Variants in RFTN1 observed in about 807,000 individuals in gnomAD.
RFTN1 encodes raftlin, lipid raft linker 1, also known as raftlin.
RFTN1 carries 26 observed loss-of-function variants against 46.5 expected under a neutral mutation model. The observed-to-expected ratio is 0.56, with a 90% CI of 0.41 to 0.78. The LOEUF is 0.78. RFTN1 is among the 30% of genes least tolerant of loss of function. The pLI is 0.00. For missense variants in RFTN1, 693 were observed against 718.7 expected, an observed-to-expected ratio of 0.96 and a Z score of 0.41; for synonymous variants, 261 against 284.2, an observed-to-expected ratio of 0.92 and a Z score of 0.82.
rs927912921 is a variant in RFTN1, at chr3:16,489,279, A to C, written c.145+4446T>G. 6.6e-6 allele frequency among the ~76,000 whole-genome samples: 1 copy of C among 152,044 alleles called. No individual in the cohort carries two copies. The highest frequency in any genetic ancestry group is 1.5e-5 in the Non-Finnish European group (1 of 67,994). ...CTAAAAATAAAAAAATTAGCTGGGC[A>C]TGGTGGCGGGCACCTGTAATCCCAA... On this transcript the variant is annotated intron_variant, in intron 2 of 9. Transcript: ENST00000334133. This position sits in a 1 kb window ranked among gnomAD's most constrained non-coding sequence, Gnocchi z 4.0.
At chr3:16,355,495 A>T (rs566544262) in intron 7 of RFTN1, among the ~76,000 whole-genome samples, 2 of 152,220 alleles carry the variant, frequency 1.3e-5, no homozygotes, top group Middle Eastern at 3.2e-3. Context: ...AGGCCAAAAA[A>T]GGGGAGGCAG....
At chr3:16,476,402 A>G (rs982484586) in intron 2 of RFTN1, among the ~76,000 whole-genome samples, 1 of 152,262 alleles carries the variant, frequency 6.6e-6, no homozygotes, top group Non-Finnish European at 1.5e-5. Flanking sequence ...CATGGAGCTT[A>G]CCATTATGGT....
At chr3:16,454,163 G>T (rs1469569711) in intron 2 of RFTN1, among the ~76,000 whole-genome samples, 12 of 152,196 alleles carry the variant, frequency 7.9e-5, no homozygotes, top group Non-Finnish European at 4.4e-5. Context: ...CATTTCCATA[G>T]ATTTTAATAG....
In RFTN1 at chr3:16,436,358, A is replaced by T. The variant is rs199538887; in HGVS notation, c.146-2321T>A. Among the ~76,000 whole-genome samples, 432 of 125,200 alleles carry T rather than the reference A, an allele frequency of 3.5e-3. 1 individual carries two copies. The highest frequency in any genetic ancestry group is 5.9e-3 in the African/African-American group (219 of 37,096). 82.1% of individuals were successfully genotyped at this position (125,200 alleles called of 152,430 possible). The stretch of plus-strand genomic sequence containing the variant: ...AGTGGGTTTTGCCATGAAAAAAAAA[A>T]TTTTTTTTTTTTTTTTAAGACAAAG... On this transcript the variant is annotated intron_variant, in intron 2 of 9. Coordinates refer to ENST00000334133, the MANE Select transcript of RFTN1 (RefSeq NM_015150.2).
In RFTN1 at chr3:16,507,348, A is replaced by G. The variant is rs879567103; in HGVS notation, c.-9+6094T>C. On this transcript the variant is annotated intron_variant, in intron 1 of 9. Coordinates refer to ENST00000334133, the MANE Select transcript of RFTN1 (RefSeq NM_015150.2). This position sits in a 1 kb window ranked among gnomAD's most constrained non-coding sequence, Gnocchi z 7.1. ...ATAAGACACCAGAAAATCCCAAAAG[A>G]CCTCTCTAAATTAAAGAAGTGTTTA... Among the ~76,000 whole-genome samples the G allele has an allele frequency of 6.6e-6, 1 of 152,074 alleles. No individual in the cohort carries two copies. The highest frequency in any genetic ancestry group is 1.5e-5 in the Non-Finnish European group (1 of 68,004).
At chr3:16,339,510 G>C (rs891742042) in intron 7 of RFTN1, 8 of 152,216 alleles carry the variant, frequency 5.3e-5, no homozygotes, top group Non-Finnish European at 1.2e-4. Context: ...TGCTCTACCA[G>C]AGACAAATCC....
rs1175453963 is a variant in RFTN1 at position 16,385,290 on chromosome 3, G to A, written c.442-7188C>T. 1.3e-5 allele frequency among the ~76,000 whole-genome samples: 2 copies of A among 152,190 alleles called. No homozygotes were observed. Among genetic ancestry groups the A allele is most frequent in the Non-Finnish European group, 2.9e-5 (2 of 68,036 alleles). On this transcript the variant is annotated intron_variant, in intron 4 of 9. Transcript: ENST00000334133. The surrounding 1 kb of genome is among the most constrained non-coding windows in gnomAD (Gnocchi z 5.0). Reference sequence around the variant, plus strand: ...GGAGGCTCAAAAATAACACGGGTTTGAGCTCACATCTGAAGCCGCCTTTAG... The same window carrying A: ...GGAGGCTCAAAAATAACACGGGTTTAAGCTCACATCTGAAGCCGCCTTTAG...
At chr3:16,367,536 G>A (rs796995775) in intron 6 of RFTN1, among the ~76,000 whole-genome samples, 1 of 151,234 alleles carries the variant, frequency 6.6e-6, no homozygotes. Flanking sequence ...TCTAAGATAC[G>A]GGCTGCATAC....
At position 16,384,340 on chromosome 3, in the gene RFTN1, T is replaced by C. The variant is rs775869638; in HGVS notation, c.442-6238A>G. Among the ~76,000 whole-genome samples, 19 of 152,234 alleles carry C rather than the reference T, an allele frequency of 1.2e-4. No homozygotes were observed. The highest frequency in any genetic ancestry group is 2.6e-4 in the Non-Finnish European group (18 of 68,042). On this transcript the variant is annotated intron_variant, in intron 4 of 9. Coordinates refer to ENST00000334133, the MANE Select transcript of RFTN1 (RefSeq NM_015150.2). This position sits in a 1 kb window ranked among gnomAD's most constrained non-coding sequence, Gnocchi z 4.7. ...GGAAAATAAGATAGCACAGGGCAAGTTGATGGAGGTCTCTAAATCTAAACC... is the reference window on the plus strand; with the variant it reads ...GGAAAATAAGATAGCACAGGGCAAGCTGATGGAGGTCTCTAAATCTAAACC...
chr3:16,359,471 AG>A (rs759340014), intron 6 of RFTN1, among the ~76,000 whole-genome samples: 2 of 152,176 alleles, frequency 1.3e-5, no homozygotes, highest in Non-Finnish European at 2.9e-5. Context: ...ATGGGGCCTT[AG>A]TCTAATAGGA....
rs73818292 is a variant in RFTN1, at chr3:16,413,589, T to C, written c.333-4106A>G. ...TCCACTTTTGGAAAGGACAGAGAGATCTGGTTTTAAACAGTAAGAAAAAGA... is the reference window on the plus strand; with the variant it reads ...TCCACTTTTGGAAAGGACAGAGAGACCTGGTTTTAAACAGTAAGAAAAAGA... On this transcript the variant is annotated intron_variant, in intron 3 of 9. Transcript: ENST00000334133. The surrounding 1 kb of genome is among the most constrained non-coding windows in gnomAD (Gnocchi z 4.7). 6.4e-3 allele frequency among the ~76,000 whole-genome samples: 970 copies of C among 152,258 alleles called. 14 individuals are homozygous for C. Among genetic ancestry groups the C allele is most frequent in the African/African-American group, 0.022 (912 of 41,534 alleles).
At chr3:16,318,007 C>A (rs544075121) in intron 9 of RFTN1, among the ~76,000 whole-genome samples, 21 of 152,332 alleles carry the variant, frequency 1.4e-4, no homozygotes, top group Non-Finnish European at 2.5e-4. Flanking sequence ...CTAAAAACTT[C>A]CAATCTCAGA....
At position 16,321,834 on chromosome 3, in the gene RFTN1, A is replaced by G. The variant is rs935491005; in HGVS notation, c.1332+1542T>C. Among the ~76,000 whole-genome samples, 1 of 152,190 alleles carries G rather than the reference A, an allele frequency of 6.6e-6. No homozygotes were observed. Among genetic ancestry groups the G allele is most frequent in the African/African-American group, 2.4e-5 (1 of 41,452 alleles). ...AGAGTCAGTTCAACCTTATTACAGC[A>G]GCTTTTACAAATCTATCTCTAAAGT... is the stretch of plus-strand genomic sequence containing the variant. On this transcript the variant is annotated intron_variant, in intron 9 of 9. Coordinates refer to ENST00000334133, the MANE Select transcript of RFTN1 (RefSeq NM_015150.2). This position sits in a 1 kb window ranked among gnomAD's most constrained non-coding sequence, Gnocchi z 4.8.
At position 16,475,904 on chromosome 3, in the gene RFTN1, G is replaced by A. The variant is rs1179961123; in HGVS notation, c.145+17821C>T. Reference sequence around the variant, plus strand: ...CCAGGAAAATAATTTATGCCACCCAGAGACAGACACCATGCCAACTGGGAC... The same window carrying A: ...CCAGGAAAATAATTTATGCCACCCAAAGACAGACACCATGCCAACTGGGAC... On this transcript the variant is annotated intron_variant, in intron 2 of 9. Coordinates refer to ENST00000334133, the MANE Select transcript of RFTN1 (RefSeq NM_015150.2). The surrounding 1 kb of genome is among the most constrained non-coding windows in gnomAD (Gnocchi z 4.2). 2.0e-5 allele frequency among the ~76,000 whole-genome samples: 3 copies of A among 152,196 alleles called. No individual in the cohort carries two copies. Among genetic ancestry groups the A allele is most frequent in the African/African-American group, 7.2e-5 (3 of 41,438 alleles).
At position 16,342,590 on chromosome 3, in the gene RFTN1, G is replaced by C. The variant is rs2071388532; in HGVS notation, c.1146+15342C>G. Among the ~76,000 whole-genome samples, 1 of 152,004 alleles carries C rather than the reference G, an allele frequency of 6.6e-6. No homozygotes were observed. The highest frequency in any genetic ancestry group is 1.5e-5 in the Non-Finnish European group (1 of 67,994). On this transcript the variant is annotated intron_variant, in intron 7 of 9. Coordinates refer to ENST00000334133, the MANE Select transcript of RFTN1 (RefSeq NM_015150.2). The surrounding 1 kb of genome is among the most constrained non-coding windows in gnomAD (Gnocchi z 4.0). ...TATGGTAACTATGTTTAACATTTTG[G>C]GAAAGTGTCCATGGATCACTTTTAT...
intron 2 of RFTN1, among the ~76,000 whole-genome samples, chr3:16,464,000 A>G (rs1242360735): frequency 6.6e-6 from 1 of 152,148 alleles, no homozygotes; most frequent in Non-Finnish European, 1.5e-5. Flanking sequence ...CCAACCTCCA[A>G]AAGCAGGTAC....
rs553353433 is a variant in RFTN1 at position 16,413,252 on chromosome 3, G to A, written c.333-3769C>T. ...ACATCTGAAAGCAGCTCCATCAGGTGAGGAGTGTTCTGTGTCCCTGAGGGC... is the reference window on the plus strand; with the variant it reads ...ACATCTGAAAGCAGCTCCATCAGGTAAGGAGTGTTCTGTGTCCCTGAGGGC... On this transcript the variant is annotated intron_variant, in intron 3 of 9. Coordinates refer to ENST00000334133, the MANE Select transcript of RFTN1 (RefSeq NM_015150.2). This position sits in a 1 kb window ranked among gnomAD's most constrained non-coding sequence, Gnocchi z 4.7. Among the ~76,000 whole-genome samples, 16 of 152,386 alleles carry A rather than the reference G, an allele frequency of 1.0e-4. No individual in the cohort carries two copies. In the South Asian group the frequency reaches 3.3e-3, roughly 32 times the overall value.
At chr3:16,488,815 A>G (rs1294015809) in intron 2 of RFTN1, among the ~76,000 whole-genome samples, 2 of 152,218 alleles carry the variant, frequency 1.3e-5, no homozygotes, top group East Asian at 1.9e-4. Context: ...AAATGAGTGT[A>G]TCCACCTACC....
chr3:16,343,517 T>C (rs530925234), intron 7 of RFTN1, among the ~76,000 whole-genome samples: 1 of 152,346 alleles, frequency 6.6e-6, no homozygotes, highest in South Asian at 2.1e-4. Flanking sequence ...ACTGTCACTT[T>C]CACCTGTACC....
Sources: allele counts gnomAD v4.1 joint callset (sites outside exome capture counted in the v4.1 genomes callset), GRCh38; gene constraint gnomAD v4.1.1; non-coding constraint Gnocchi (gnomAD v3.1); transcripts MANE v1.5; gene names NCBI Gene and HGNC (gene_info 2026-07-23, HGNC 2026-07-21).